TAPT1: variants seen among roughly 807,000 people sequenced by gnomAD.
TAPT1 encodes transmembrane anterior posterior transformation 1, also known as transmembrane anterior posterior transformation protein 1 homolog.
TAPT1 carries 28 observed loss-of-function variants against 65.6 expected under a neutral mutation model. The ratio of observed to expected loss-of-function variants is 0.43; its 90% confidence interval spans 0.32 to 0.59. The LOEUF (loss-of-function observed/expected upper bound fraction) is 0.59, where lower values mean the gene tolerates loss of function less well. Among genes scored for constraint, TAPT1 ranks in the 20% least tolerant of loss-of-function variants. TAPT1 has a pLI of 0.09. For missense variants in TAPT1, 563 were observed against 679.9 expected, an observed-to-expected ratio of 0.83 and a Z score of 1.91; for synonymous variants, 278 against 245.2, an observed-to-expected ratio of 1.13 and a Z score of -1.25.
At chr4:16,219,986 A>G (rs1356053436) in intron 1 of TAPT1, among the ~76,000 whole-genome samples, 1 of 152,226 alleles carries the variant, frequency 6.6e-6, no homozygotes, top group Non-Finnish European at 1.5e-5. Flanking sequence ...TGCCAGAGCC[A>G]TCGAGTTAGC....
chr4:16,208,995 C>T (rs754907708), intron 2 of TAPT1, among the ~76,000 whole-genome samples: 1 of 152,182 alleles, frequency 6.6e-6, no homozygotes, highest in Non-Finnish European at 1.5e-5. Flanking sequence ...TCTCGAGTAG[C>T]TAGGACTACA....
intron 3 of TAPT1, among the ~76,000 whole-genome samples, chr4:16,200,124 G>T (rs1012670726): frequency 1.3e-5 from 2 of 152,084 alleles, no homozygotes; most frequent in African/African-American, 4.8e-5. Context: ...CACTCCAGAA[G>T]GAATACAGTC....
chr4:16,181,339 A>G (rs1560161332), intron 7 of TAPT1, among the ~76,000 whole-genome samples: 1 of 152,250 alleles, frequency 6.6e-6, no homozygotes, highest in Non-Finnish European at 1.5e-5. Context: ...TTGCTTCATT[A>G]CAGAATTATC....
intron 6 of TAPT1, 34 bp from the exon 7 acceptor site, chr4:16,186,638 T>C (rs1749032870): frequency 6.9e-7 from 1 of 1,453,366 alleles, no homozygotes; most frequent in Non-Finnish European, 9.4e-7. Flanking sequence ...ATCTTTATGA[T>C]TATAACAGTT....
chr4:16,175,489 C>T (rs1002585365), intron 9 of TAPT1, among the ~76,000 whole-genome samples: 1 of 152,064 alleles, frequency 6.6e-6, no homozygotes, highest in Non-Finnish European at 1.5e-5. Flanking sequence ...ATTAAAAGTA[C>T]TACCCAGTAA....
intron 7 of TAPT1, 39 bp from the exon 8 acceptor site, chr4:16,179,696 A>G: frequency 9.8e-7 from 1 of 1,025,256 alleles, no homozygotes; most frequent in Non-Finnish European, 1.4e-6. Context: ...TGTAGTGTAT[A>G]TAAACAACAT....
intron 2 of TAPT1, among the ~76,000 whole-genome samples, chr4:16,205,509 T>C (rs1750285377): frequency 6.6e-6 from 1 of 152,116 alleles, no homozygotes; most frequent in Non-Finnish European, 1.5e-5. Flanking sequence ...CACAACCCAG[T>C]GAGCTTGACA....
intron 2 of TAPT1, among the ~76,000 whole-genome samples, chr4:16,213,283 T>G (rs557413581): frequency 2.6e-4 from 40 of 152,346 alleles, no homozygotes; most frequent in African/African-American, 9.6e-4. Context: ...ACTCACCCTG[T>G]AATGTGATGC....
At position 16,188,287 on chromosome 4, in the gene TAPT1, C is replaced by T. The variant is rs1448760482; in HGVS notation, c.681G>A (p.Glu227=). 1 of 1,612,512 alleles carries T rather than the reference C, an allele frequency of 6.2e-7. No individual in the cohort carries two copies. Among genetic ancestry groups the T allele is most frequent in the South Asian group, 1.1e-5 (1 of 90,890 alleles). The change falls in exon 5 of 14, where the codon GAG becomes GAA. Residue 227 remains glutamate (E), a synonymous_variant. Transcript: ENST00000405303. ...ILDALYWTAT[E]PKERKRAHIG... is the part of the protein sequence containing the mutation. Reference sequence around the variant, plus strand: ...TGTGGGCTCTTTTTCTTTCTTTAGGCTCTGTTGCTGTCCAATAGAGAGCAT... The same window carrying T: ...TGTGGGCTCTTTTTCTTTCTTTAGGTTCTGTTGCTGTCCAATAGAGAGCAT...
intron 2 of TAPT1, among the ~76,000 whole-genome samples, chr4:16,210,386 C>A (rs1231639178): frequency 6.6e-6 from 1 of 152,202 alleles, no homozygotes; most frequent in Non-Finnish European, 1.5e-5. Flanking sequence ...CTGCTGTGCA[C>A]ATCCCAAAGA....
chr4:16,192,760 C>T (rs745510119), intron 3 of TAPT1, among the ~76,000 whole-genome samples: 1 of 152,282 alleles, frequency 6.6e-6, no homozygotes, highest in Non-Finnish European at 1.5e-5. Flanking sequence ...ATCAATAAAA[C>T]GGCCCGAGTA....
chr4:16,195,805 G>A (rs979444683), intron 3 of TAPT1, among the ~76,000 whole-genome samples: 3 of 152,134 alleles, frequency 2.0e-5, no homozygotes, highest in African/African-American at 7.2e-5. Context: ...CCTCTTTAGG[G>A]GAAGATAATA....
chr4:16,196,275 C>T (rs1316130717), intron 3 of TAPT1, among the ~76,000 whole-genome samples: 1 of 151,972 alleles, frequency 6.6e-6, no homozygotes, highest in East Asian at 1.9e-4. Flanking sequence ...TCAAACTATA[C>T]TGAAAAAAAT....
chr4:16,176,435 C>T (rs1025937469), intron 8 of TAPT1: 2 of 351,462 alleles, frequency 5.7e-6, no homozygotes, highest in Non-Finnish European at 5.1e-6. Flanking sequence ...TACTCAGGCC[C>T]GGCGCAGTGG....
chr4:16,217,821 G>A (rs1261225302), intron 1 of TAPT1, among the ~76,000 whole-genome samples: 1 of 152,206 alleles, frequency 6.6e-6, no homozygotes, highest in Non-Finnish European at 1.5e-5. Context: ...TTCACTCAAG[G>A]TAGCAGCTGC....
intron 8 of TAPT1, among the ~76,000 whole-genome samples, chr4:16,178,272 G>A (rs1483274106): frequency 2.0e-5 from 3 of 152,138 alleles, no homozygotes; most frequent in African/African-American, 7.2e-5. Flanking sequence ...GCTGTGAGAT[G>A]TCATTTAATC....
intron 1 of TAPT1, 142 bp from the exon 2 acceptor site, chr4:16,214,040 C>A (rs1477374260): frequency 1.1e-5 from 6 of 571,378 alleles, no homozygotes; most frequent in Admixed American, 4.2e-5. Flanking sequence ...TAGAACTGCA[C>A]ACAATGATCA....
intron 9 of TAPT1, 89 bp from the exon 10 acceptor site, chr4:16,174,818 T>A: frequency 1.0e-6 from 1 of 958,670 alleles, no homozygotes; most frequent in Non-Finnish European, 1.5e-6. Context: ...AAACATTTAA[T>A]AATTAACCAG....
intron 3 of TAPT1, among the ~76,000 whole-genome samples, chr4:16,196,927 C>G (rs576768380): frequency 5.3e-4 from 80 of 152,254 alleles, no homozygotes; most frequent in African/African-American, 1.8e-3. Flanking sequence ...AGAAAGTTAC[C>G]AAGAGCTCTC....
Sources: allele counts gnomAD v4.1 joint callset (sites outside exome capture counted in the v4.1 genomes callset), GRCh38; gene constraint gnomAD v4.1.1; transcripts MANE v1.5; gene names NCBI Gene and HGNC (gene_info 2026-07-23, HGNC 2026-07-21).